The following MNX1 variants were observed in gnomAD, a reference collection of about 807,000 sequenced individuals.
MNX1 encodes motor neuron and pancreas homeobox protein 1.
Under a neutral mutation model 17.3 loss-of-function variants are expected in MNX1, and 2 were observed. That is an observed-to-expected ratio of 0.12 (90% CI 0.05 to 0.36). The LOEUF is 0.36. MNX1 is among the 10% of genes least tolerant of loss of function. The pLI, the probability that MNX1 is intolerant of heterozygous loss-of-function variation, is 1.00. For missense variants in MNX1, 556 were observed against 564.7 expected (o/e 0.98, Z 0.16); for synonymous variants, 306 against 283.1 (o/e 1.08, Z -0.81).
chr7:157,004,918 T>C lies in MNX1; in HGVS notation c.*602A>G, dbSNP rs985070010. On this transcript the variant is annotated 3_prime_UTR_variant, in exon 3 of 3. Coordinates refer to ENST00000252971, the MANE Select transcript of MNX1 (RefSeq NM_005515.4). The surrounding 1 kb of genome is among the most constrained non-coding windows in gnomAD (Gnocchi z 6.2). Reference sequence around the variant, plus strand: ...CGATGGGAGAAGCTAAATAATAATTTAGCATGCATACGTAGACGTTTCTTT... The same window carrying C: ...CGATGGGAGAAGCTAAATAATAATTCAGCATGCATACGTAGACGTTTCTTT... 2.5e-5 allele frequency: 5 copies of C among 197,754 alleles called. No homozygotes were observed. Among genetic ancestry groups the C allele is most frequent in the African/African-American group, 1.2e-4 (5 of 43,258 alleles). The allele number at this position is 197,754 out of a possible 1,614,324, so 12.2% of individuals were successfully genotyped here. A position where few individuals can be genotyped will look rare whatever the true frequency, so the allele number is the denominator to read the frequency against.
rs1445351192 is a variant in MNX1, at chr7:157,010,417, G to A, written c.-67C>T. On this transcript the variant is annotated 5_prime_UTR_variant, in exon 1 of 3. Coordinates refer to ENST00000252971, the MANE Select transcript of MNX1 (RefSeq NM_005515.4). The stretch of plus-strand genomic sequence containing the variant: ...ACGCGGCCGTGTGCGGGCTCGCGGA[G>A]TCAGTGCGTGCGGTGCAAGCCCGGG... 3.6e-5 allele frequency: 48 copies of A among 1,346,370 alleles called. No homozygotes were observed. The highest frequency in any genetic ancestry group is 1.5e-5 in the African/African-American group (1 of 66,770). 83.4% of individuals were successfully genotyped at this position (1,346,370 alleles called of 1,614,324 possible). A position where few individuals can be genotyped will look rare whatever the true frequency, so the allele number is the denominator to read the frequency against.
intron 1 of MNX1, chr7:157,009,353 C>T: frequency 7.8e-6 from 11 of 1,414,020 alleles, no homozygotes; most frequent in Non-Finnish European, 9.2e-6. Context: ...CGCCTTCCCC[C>T]GGCGACTTCC....
In MNX1 at chr7:157,009,978, C is replaced by CGGCGGCGGT; in HGVS notation, c.372_373insACCGCCGCC (p.Ala124_Ala125insThrAlaAla). ...GCGGCGGCGGCGGCGGCGGCGGCGG[C>CGGCGGCGGT]AGCGGCCGCTGCGCCCGGATGCGCG... On this transcript the variant is annotated inframe_insertion, in exon 1 of 3. Coordinates refer to ENST00000252971, the MANE Select transcript of MNX1 (RefSeq NM_005515.4). 1.0e-6 allele frequency: 1 copy of CGGCGGCGGT among 982,148 alleles called. No individual in the cohort carries two copies. The highest frequency in any genetic ancestry group is 4.6e-5 in the South Asian group (1 of 21,780). The allele number at this position is 982,148 out of a possible 1,614,324, so 60.8% of individuals were successfully genotyped here.
intron 2 of MNX1, 123 bp from the exon 3 acceptor site, chr7:157,005,996 G>C: frequency 2.7e-6 from 3 of 1,093,958 alleles, no homozygotes; most frequent in Non-Finnish European, 4.0e-6. Flanking sequence ...CTCAGGGTGA[G>C]ACGACTTAGA....
intron 1 of MNX1, 200 bp downstream of exon 1, chr7:157,009,460 T>C: frequency 1.4e-6 from 2 of 1,434,328 alleles, no homozygotes; most frequent in Admixed American, 2.9e-5. Context: ...GGCCTGCGCA[T>C]GGCCATTTTA....
Position 157,006,008 on chromosome 7 carries a change from G to A in MNX1, c.853-135C>T. On this transcript the variant is annotated intron_variant, in intron 2 of 2. Transcript: ENST00000252971. The surrounding 1 kb of genome is among the most constrained non-coding windows in gnomAD (Gnocchi z 6.3). Reference sequence around the variant, plus strand: ...GGCCTCAGGGTGAGACGACTTAGAAGCAGAATGGGGAGGGGGCTCGTAGCT... The same window carrying A: ...GGCCTCAGGGTGAGACGACTTAGAAACAGAATGGGGAGGGGGCTCGTAGCT... 1.1e-6 allele frequency: 1 copy of A among 939,838 alleles called. No homozygotes were observed. Among genetic ancestry groups the A allele is most frequent in the African/African-American group, 1.6e-5 (1 of 61,470 alleles). 58.2% of individuals were successfully genotyped at this position (939,838 alleles called of 1,614,324 possible). A position where few individuals can be genotyped will look rare whatever the true frequency, so the allele number is the denominator to read the frequency against.
chr7:157,008,644 T>C (rs1805647191), intron 1 of MNX1: 2 of 320,526 alleles, frequency 6.2e-6, no homozygotes, highest in South Asian at 2.3e-4. Context: ...CTTTTTTGCT[T>C]TTCCCCTGCT....
rs1805682792 is a variant in MNX1 at position 157,010,009 on chromosome 7, G to C, written c.342C>G (p.His114Gln). The C allele has an allele frequency of 4.1e-6, 4 of 986,564 alleles. No individual in the cohort carries two copies. The South Asian group carries it at 1.4e-4, about 33-fold the overall frequency. The allele number at this position is 986,564 out of a possible 1,614,324, so 61.1% of individuals were successfully genotyped here. A position where few individuals can be genotyped will look rare whatever the true frequency, so the allele number is the denominator to read the frequency against. Residue 114 changes from histidine (H) to glutamine (Q), a missense_variant, in exon 1 of 3, where the codon CAC (histidine) becomes CAG (glutamine). Physicochemically the swap from His to Gln is conservative, Grantham distance 24. This residue lies in a region of MNX1 where 115 missense variants were observed against 103.5 expected (regional missense o/e 1.11). Transcript: ENST00000252971. The stretch of plus-strand genomic sequence containing the variant: ...CCGCTGCGCCCGGATGCGCGTGGTG[G>C]TGGGGCCCCCCGTGCCCGCCGCCCG... ...GGTGGGHGGP[H>Q]HHAHPGAAAA...
intron 1 of MNX1, chr7:157,008,865 G>A: frequency 1.1e-6 from 1 of 907,788 alleles, no homozygotes; most frequent in South Asian, 1.6e-5. Flanking sequence ...GCGTGTGCCA[G>A]GAAAGCCTGA....
Position 157,010,589 on chromosome 7 carries a change from G to T in MNX1, c.-239C>A. On this transcript the variant is annotated 5_prime_UTR_variant, in exon 1 of 3. Coordinates refer to ENST00000252971, the MANE Select transcript of MNX1 (RefSeq NM_005515.4). The stretch of plus-strand genomic sequence containing the variant: ...CAAACTCCCACGCGAGTGCTTCCCC[G>T]CGTCCGGGCCCGGGAGCCCGGTTCT... 1 of 311,180 alleles carries T rather than the reference G, an allele frequency of 3.2e-6. No homozygotes were observed. Among genetic ancestry groups the T allele is most frequent in the Non-Finnish European group, 5.9e-6 (1 of 168,264 alleles). 19.3% of individuals were successfully genotyped at this position (311,180 alleles called of 1,614,324 possible).
chr7:157,010,380 C>G lies in MNX1; in HGVS notation c.-30G>C. Reference sequence around the variant, plus strand: ...TCGTTTGGGGCTGGCGCTCAGGGCCCGGTGGCGGGCGACGCGGCCGTGTGC... The same window carrying G: ...TCGTTTGGGGCTGGCGCTCAGGGCCGGGTGGCGGGCGACGCGGCCGTGTGC... On this transcript the variant is annotated 5_prime_UTR_variant, in exon 1 of 3. Coordinates refer to ENST00000252971, the MANE Select transcript of MNX1 (RefSeq NM_005515.4). 6.5e-7 allele frequency: 1 copy of G among 1,548,014 alleles called. No individual in the cohort carries two copies. The highest frequency in any genetic ancestry group is 8.7e-7 in the Non-Finnish European group (1 of 1,143,318).
In MNX1 at chr7:157,010,383, T is replaced by C. The variant is rs1805693463; in HGVS notation, c.-33A>G. The C allele has an allele frequency of 6.5e-7, 1 of 1,545,258 alleles. No homozygotes were observed. The highest frequency in any genetic ancestry group is 8.8e-7 in the Non-Finnish European group (1 of 1,141,076). ...TTTGGGGCTGGCGCTCAGGGCCCGG[T>C]GGCGGGCGACGCGGCCGTGTGCGGG... is the stretch of plus-strand genomic sequence containing the variant. On this transcript the variant is annotated 5_prime_UTR_variant, in exon 1 of 3. Coordinates refer to ENST00000252971, the MANE Select transcript of MNX1 (RefSeq NM_005515.4).
chr7:157,009,981 C>T lies in MNX1; in HGVS notation c.370G>A (p.Ala124Thr). 7.1e-6 allele frequency: 7 copies of T among 979,262 alleles called. No individual in the cohort carries two copies. Among genetic ancestry groups the T allele is most frequent in the Non-Finnish European group, 7.2e-6 (6 of 830,062 alleles). 60.7% of individuals were successfully genotyped at this position (979,262 alleles called of 1,614,324 possible). A position where few individuals can be genotyped will look rare whatever the true frequency, so the allele number is the denominator to read the frequency against. ...GCGGCGGCGGCGGCGGCGGCGGCAGCGGCCGCTGCGCCCGGATGCGCGTGG... is the reference window on the plus strand; with the variant it reads ...GCGGCGGCGGCGGCGGCGGCGGCAGTGGCCGCTGCGCCCGGATGCGCGTGG... ...HHHAHPGAAA[A>T]AAAAAAAAAA... The change falls in exon 1 of 3, where the codon GCT (alanine) becomes ACT (threonine). Residue 124 changes from alanine to threonine, a missense_variant. This residue lies in a region of MNX1 where 4 missense variants were observed against 16.8 expected (regional missense o/e 0.24). Transcript: ENST00000252971.
chr7:157,009,970 GGCGGCGGCA>G lies in MNX1; in HGVS notation c.372_380del (p.Ala132_Ala134del). ...CCCCAGCGGCGGCGGCGGCGGCGGCGGCGGCGGCAGCGGCCGCTGCGCCCGGATGCGCGT... is the reference window on the plus strand; with the variant it reads ...CCCCAGCGGCGGCGGCGGCGGCGGCGGCGGCCGCTGCGCCCGGATGCGCGT... On this transcript the variant is annotated inframe_deletion, in exon 1 of 3. Coordinates refer to ENST00000252971, the MANE Select transcript of MNX1 (RefSeq NM_005515.4). The G allele has an allele frequency of 3.0e-6, 3 of 983,702 alleles. No individual in the cohort carries two copies. The highest frequency in any genetic ancestry group is 3.6e-6 in the Non-Finnish European group (3 of 832,182). 60.9% of individuals were successfully genotyped at this position (983,702 alleles called of 1,614,324 possible).
rs1205434822 is a variant in MNX1 at position 157,009,718 on chromosome 7, G to A, written c.633C>T (p.Asp211=). ...CCGCGGTGGACGCGCGCAGCCACTG[G>A]TCCAGCTGGAAGGTGCCGGCGCCCA... ...IKLGAGTFQL[D]QWLRASTAGM... Residue 211 remains aspartate (D), a synonymous_variant, in exon 1 of 3, where the codon GAC becomes GAT. Coordinates refer to ENST00000252971, the MANE Select transcript of MNX1 (RefSeq NM_005515.4). 1.2e-6 allele frequency: 2 copies of A among 1,608,490 alleles called. No individual in the cohort carries two copies. The highest frequency in any genetic ancestry group is 1.7e-6 in the Non-Finnish European group (2 of 1,179,006).
chr7:157,005,998 C>A (rs1198131996), intron 2 of MNX1, 125 bp from the exon 3 acceptor site: 9 of 1,081,138 alleles, frequency 8.3e-6, no homozygotes, highest in African/African-American at 1.6e-5. Context: ...CAGGGTGAGA[C>A]GACTTAGAAG....
rs540352865 is a variant in MNX1 at position 157,009,321 on chromosome 7, C to G, written c.691+339G>C. On this transcript the variant is annotated intron_variant, in intron 1 of 2. Transcript: ENST00000252971. ...CCCTGACCCCCATTCCCGGGCCTGC[C>G]TAATTCAGGGCGCTCTCGGCTCGCC... 25 of 1,417,866 alleles carry G rather than the reference C, an allele frequency of 1.8e-5. No homozygotes were observed. In the African/African-American group the frequency reaches 2.2e-4, roughly 12 times the overall value. 87.8% of individuals were successfully genotyped at this position (1,417,866 alleles called of 1,614,324 possible). A position where few individuals can be genotyped will look rare whatever the true frequency, so the allele number is the denominator to read the frequency against.
intron 1 of MNX1, 92 bp downstream of exon 1, chr7:157,009,568 G>A: frequency 1.3e-6 from 2 of 1,536,722 alleles, no homozygotes; most frequent in Non-Finnish European, 1.8e-6. Context: ...CCGCTCGCTG[G>A]GAGCCAAGCG....
Position 157,005,090 on chromosome 7 carries a change from C to A in MNX1, c.*430G>T. ...TTCCAAATACTCTGCAGAATGGCGG[C>A]TCCAGAGGCGGTTTCAAGTTTCATA... On this transcript the variant is annotated 3_prime_UTR_variant, in exon 3 of 3. Transcript: ENST00000252971. 1 of 227,932 alleles carries A rather than the reference C, an allele frequency of 4.4e-6. No homozygotes were observed. Among genetic ancestry groups the A allele is most frequent in the Non-Finnish European group, 8.7e-6 (1 of 114,724 alleles). 14.1% of individuals were successfully genotyped at this position (227,932 alleles called of 1,614,324 possible). A position where few individuals can be genotyped will look rare whatever the true frequency, so the allele number is the denominator to read the frequency against.
Sources: allele counts gnomAD v4.1 joint callset, GRCh38; gene constraint gnomAD v4.1.1; regional missense constraint gnomAD v4.1.1; non-coding constraint Gnocchi (gnomAD v3.1); transcripts MANE v1.5; gene names NCBI Gene and HGNC (gene_info 2026-07-23, HGNC 2026-07-21).